The following GPC5 variants were observed in gnomAD, a reference collection of about 807,000 sequenced individuals.
GPC5 encodes glypican 5.
GPC5 carries 47 observed loss-of-function variants against 53.9 expected under a neutral mutation model. That is an observed-to-expected ratio of 0.87 (90% CI 0.69 to 1.11). GPC5 has a LOEUF of 1.11. Ranked by LOEUF, GPC5 falls within the 50% of genes most tolerant of loss-of-function variation. The pLI is 0.00. For synonymous variants in GPC5, 286 were observed against 263.3 expected, an observed-to-expected ratio of 1.09 and a Z score of -0.84; for missense variants, 748 against 713.1, an observed-to-expected ratio of 1.05 and a Z score of -0.56.
chr13:92,168,909 A>T (rs2042050003), intron 7 of GPC5, among the ~76,000 whole-genome samples: 1 of 152,210 alleles, frequency 6.6e-6, no homozygotes, highest in Non-Finnish European at 1.5e-5. Context: ...ACTATTCACA[A>T]TAGCAAAGAC....
rs1307617200 is a variant in GPC5, at chr13:92,347,918, T to C, written c.1561+202929T>C. ...ATATATATAATATATATATAATATA[T>C]ATATATTATATATACATCTTATATG... On this transcript the variant is annotated intron_variant, in intron 7 of 7. Coordinates refer to ENST00000377067, the MANE Select transcript of GPC5 (RefSeq NM_004466.6). 6.6e-4 allele frequency among the ~76,000 whole-genome samples: 12 copies of C among 18,312 alleles called. 5 individuals carry two copies. In the African/African-American group the frequency reaches 6.8e-3, roughly 10 times the overall value. 12.0% of individuals were successfully genotyped at this position (18,312 alleles called of 152,430 possible).
Position 91,515,491 on chromosome 13 carries a change from G to A in GPC5, c.325+66569G>A, listed in dbSNP as rs557567834. On this transcript the variant is annotated intron_variant, in intron 2 of 7. Coordinates refer to ENST00000377067, the MANE Select transcript of GPC5 (RefSeq NM_004466.6). The stretch of plus-strand genomic sequence containing the variant: ...TATGTTTTCTTCATTTTACATAAAA[G>A]GCTACAGAGGCTAACAGTGGTTAAA... Among the ~76,000 whole-genome samples, 58 of 152,228 alleles carry A rather than the reference G, an allele frequency of 3.8e-4. 1 individual carries two copies. The South Asian group carries it at 0.011, about 30-fold the overall frequency.
chr13:91,683,124 T>TAATC (rs1286662295), intron 2 of GPC5, among the ~76,000 whole-genome samples: 2 of 151,944 alleles, frequency 1.3e-5, no homozygotes, highest in Non-Finnish European at 2.9e-5. Context: ...TGGGTCCTAA[T>TAATC]AATCACATGA....
At chr13:92,532,988 CTA>C (rs1373868856) in intron 7 of GPC5, among the ~76,000 whole-genome samples, 1 of 152,036 alleles carries the variant, frequency 6.6e-6, no homozygotes, top group Non-Finnish European at 1.5e-5. Flanking sequence ...ATAATCCTTT[CTA>C]TATGACAGTC....
At chr13:92,152,235 C>T (rs146555416) in intron 7 of GPC5, among the ~76,000 whole-genome samples, 192 of 152,196 alleles carry the variant, frequency 1.3e-3, no homozygotes, top group Non-Finnish European at 1.5e-3. Context: ...TTCATTTTTA[C>T]CAGCAATATA....
At chr13:92,410,330 C>T (rs1290657631) in intron 7 of GPC5, among the ~76,000 whole-genome samples, 2 of 152,098 alleles carry the variant, frequency 1.3e-5, no homozygotes, top group Admixed American at 1.3e-4. Flanking sequence ...AAATGCAAAA[C>T]CTTATTTTAC....
chr13:91,866,794 G>T (rs58791665), intron 5 of GPC5, among the ~76,000 whole-genome samples: 1 of 152,048 alleles, frequency 6.6e-6, no homozygotes, highest in Non-Finnish European at 1.5e-5. Context: ...CACTTATTGC[G>T]GTTGCCTTCT....
At chr13:92,210,539 G>A (rs1268382976) in intron 7 of GPC5, among the ~76,000 whole-genome samples, 1 of 152,096 alleles carries the variant, frequency 6.6e-6, no homozygotes, top group Non-Finnish European at 1.5e-5. Context: ...AGGCGAACTA[G>A]TGAACCTCTC....
chr13:92,156,865 C>G (rs1270170013), intron 7 of GPC5, among the ~76,000 whole-genome samples: 1 of 151,826 alleles, frequency 6.6e-6, no homozygotes, highest in Non-Finnish European at 1.5e-5. Flanking sequence ...TATAGAATTA[C>G]TATTTTTAAT....
chr13:92,281,432 AACAG>A (rs1264099325), intron 7 of GPC5, among the ~76,000 whole-genome samples: 1 of 152,196 alleles, frequency 6.6e-6, no homozygotes, highest in Admixed American at 6.5e-5. Flanking sequence ...GAGATCTGAG[AACAG>A]ACAGACTGCC....
At chr13:92,699,566 G>A (rs943028235) in intron 7 of GPC5, among the ~76,000 whole-genome samples, 2 of 152,112 alleles carry the variant, frequency 1.3e-5, no homozygotes, top group African/African-American at 4.8e-5. Flanking sequence ...TGGGCATTTA[G>A]TACTATAAAT....
At chr13:91,940,945 G>A (rs918051379) in intron 6 of GPC5, among the ~76,000 whole-genome samples, 1 of 151,960 alleles carries the variant, frequency 6.6e-6, no homozygotes, top group African/African-American at 2.4e-5. Context: ...TAGGTTGTCT[G>A]TTTACTCTGT....
At chr13:92,023,702 T>A (rs5029308) in intron 6 of GPC5, among the ~76,000 whole-genome samples, 123,614 of 144,154 alleles carry the variant, frequency 0.86, 53,620 homozygotes, top group East Asian at 1. Flanking sequence ...ACACTCTCTC[T>A]CTCTCTTATA....
intron 6 of GPC5, among the ~76,000 whole-genome samples, chr13:92,127,999 G>A (rs1314767385): frequency 6.6e-6 from 1 of 152,090 alleles, no homozygotes; most frequent in Admixed American, 6.6e-5. Context: ...CCATTTGCCT[G>A]GGCTCCTTCT....
At chr13:91,509,191 A>C (rs140801723) in intron 2 of GPC5, among the ~76,000 whole-genome samples, 1 of 152,102 alleles carries the variant, frequency 6.6e-6, no homozygotes, top group East Asian at 1.9e-4. Flanking sequence ...CCAAAATTGC[A>C]GGTATAGTAG....
intron 5 of GPC5, among the ~76,000 whole-genome samples, chr13:91,806,004 C>T (rs1566274235): frequency 7.0e-6 from 1 of 142,766 alleles, no homozygotes. Context: ...CTATGTGAAC[C>T]TTCAACAAAT....
At chr13:91,736,789 G>A (rs948792058) in intron 4 of GPC5, among the ~76,000 whole-genome samples, 1 of 150,796 alleles carries the variant, frequency 6.6e-6, no homozygotes, top group African/African-American at 2.5e-5. Context: ...GCTTTTATTT[G>A]TGATTCATGA....
chr13:91,836,770 T>C (rs2038726931), intron 5 of GPC5, among the ~76,000 whole-genome samples: 1 of 151,968 alleles, frequency 6.6e-6, no homozygotes, highest in Admixed American at 6.6e-5. Flanking sequence ...TGGGACAAAT[T>C]AGTCTGACTC....
At chr13:91,938,454 C>G (rs1444226292) in intron 6 of GPC5, among the ~76,000 whole-genome samples, 1 of 152,120 alleles carries the variant, frequency 6.6e-6, no homozygotes, top group South Asian at 2.1e-4. Flanking sequence ...CCGGCCCCAA[C>G]TCCAGCATTG....
Sources: gnomAD v4.1 joint callset for allele counts (sites outside exome capture counted in the v4.1 genomes callset) on GRCh38, gnomAD v4.1.1 for gene constraint, MANE v1.5 for transcripts, NCBI Gene and HGNC (gene_info 2026-07-23, HGNC 2026-07-21) for gene names.